The following MAPK10 variants were observed in gnomAD, a reference collection of about 807,000 sequenced individuals.
MAPK10 encodes the protein mitogen-activated protein kinase 10.
Under a neutral mutation model 59.3 loss-of-function variants are expected in MAPK10, and 25 were observed. That is an observed-to-expected ratio of 0.42 (90% CI 0.31 to 0.59). MAPK10 has a LOEUF of 0.59. MAPK10 is among the 20% of genes least tolerant of loss of function. The pLI is 0.15. For missense variants in MAPK10, 351 were observed against 568.9 expected (o/e 0.62, Z 3.90); for synonymous variants, 190 against 200.5 (o/e 0.95, Z 0.44).
intron 1 of MAPK10, among the ~76,000 whole-genome samples, chr4:86,529,246 G>A (rs1757692123): frequency 6.6e-6 from 1 of 152,178 alleles, no homozygotes; most frequent in Admixed American, 6.5e-5. Flanking sequence ...GGCAGATGCA[G>A]GCTTGGTGGC....
At chr4:86,462,084 G>A (rs544331470) in intron 1 of MAPK10, among the ~76,000 whole-genome samples, 5 of 151,168 alleles carry the variant, frequency 3.3e-5, no homozygotes, top group South Asian at 4.1e-4. Flanking sequence ...TTTGTCCCCC[G>A]CCACAGCGCC....
intron 4 of MAPK10, among the ~76,000 whole-genome samples, chr4:86,137,129 G>C (rs2062380246): frequency 6.6e-6 from 1 of 150,600 alleles, no homozygotes; most frequent in Non-Finnish European, 1.5e-5. Flanking sequence ...AGATCAACGA[G>C]ACAGAAGGTC....
At chr4:86,211,966 C>T (rs1374862049) in intron 2 of MAPK10, among the ~76,000 whole-genome samples, 3 of 151,568 alleles carry the variant, frequency 2.0e-5, no homozygotes, top group African/African-American at 4.8e-5. Context: ...AAAAGAAAAT[C>T]AGAAGGGAAT....
intron 1 of MAPK10, among the ~76,000 whole-genome samples, chr4:86,404,324 C>G (rs1744095609): frequency 6.6e-6 from 1 of 152,112 alleles, no homozygotes; most frequent in Non-Finnish European, 1.5e-5. Context: ...TCAGTGCATG[C>G]TCTCAAATCT....
intron 1 of MAPK10, among the ~76,000 whole-genome samples, chr4:86,419,888 C>T (rs1278156846): frequency 3.3e-5 from 5 of 152,172 alleles, no homozygotes; most frequent in Admixed American, 1.3e-4. Flanking sequence ...GAAGTAAGAA[C>T]GCAAGGAAGA....
chr4:86,500,848 TG>T (rs1564955031), intron 1 of MAPK10, among the ~76,000 whole-genome samples: 3 of 152,144 alleles, frequency 2.0e-5, no homozygotes, highest in African/African-American at 7.2e-5. Flanking sequence ...AAAATAGTTA[TG>T]GATACACATT....
intron 2 of MAPK10, among the ~76,000 whole-genome samples, chr4:86,230,048 G>A (rs780914312): frequency 2.6e-5 from 4 of 152,172 alleles, no homozygotes; most frequent in Admixed American, 1.3e-4. Context: ...GCAACAGAGC[G>A]AGACCTTGTC....
At chr4:86,055,246 C>G (rs2044336476) in intron 11 of MAPK10, among the ~76,000 whole-genome samples, 1 of 132,296 alleles carries the variant, frequency 7.6e-6, no homozygotes, top group Admixed American at 7.1e-5. Flanking sequence ...ATTACAGATA[C>G]TTGAAATTAT....
intron 1 of MAPK10, among the ~76,000 whole-genome samples, chr4:86,506,235 A>G (rs1755726162): frequency 6.6e-6 from 1 of 152,188 alleles, no homozygotes; most frequent in African/African-American, 2.4e-5. Flanking sequence ...TTATTGAGGA[A>G]CTGTCCTCTG....
rs143568196 is a variant in MAPK10 at position 86,134,977 on chromosome 4, C to T, written c.236+24321G>A. ...CCACCTGAATACTGCGCTTTTCCGACGGGCTTAAAAAACGGCGCACCACGA... is the reference window on the plus strand; with the variant it reads ...CCACCTGAATACTGCGCTTTTCCGATGGGCTTAAAAAACGGCGCACCACGA... On this transcript the variant is annotated intron_variant, in intron 4 of 13. Transcript: ENST00000641462. 2.0e-3 allele frequency among the ~76,000 whole-genome samples: 305 copies of T among 152,138 alleles called. 4 individuals carry two copies. The highest frequency in any genetic ancestry group is 2.8e-3 in the Admixed American group (43 of 15,276).
chr4:86,447,221 T>C (rs1227661525), intron 1 of MAPK10, among the ~76,000 whole-genome samples: 1 of 152,144 alleles, frequency 6.6e-6, no homozygotes, highest in Non-Finnish European at 1.5e-5. Flanking sequence ...GAGAGAATTC[T>C]GAAGAGATCT....
intron 7 of MAPK10, among the ~76,000 whole-genome samples, chr4:86,101,662 G>A (rs1189376680): frequency 6.6e-6 from 1 of 152,154 alleles, no homozygotes; most frequent in Non-Finnish European, 1.5e-5. Flanking sequence ...CTGAAAGCAT[G>A]AGGCTTCTAA....
At chr4:86,267,081 T>C (rs931416784) in intron 2 of MAPK10, among the ~76,000 whole-genome samples, 5 of 152,202 alleles carry the variant, frequency 3.3e-5, no homozygotes, top group Non-Finnish European at 7.4e-5. Context: ...ATGAAACTAA[T>C]TAACAGGTGT....
At chr4:86,365,262 T>C (rs990571640) in intron 1 of MAPK10, among the ~76,000 whole-genome samples, 1 of 151,286 alleles carries the variant, frequency 6.6e-6, no homozygotes. Context: ...CAAAACCCCG[T>C]CTCTACTAAA....
chr4:86,436,396 G>T (rs1186009781), intron 1 of MAPK10, among the ~76,000 whole-genome samples: 1 of 152,140 alleles, frequency 6.6e-6, no homozygotes, highest in African/African-American at 2.4e-5. Context: ...GATAGCAAAA[G>T]AAATTGTAGC....
intron 1 of MAPK10, among the ~76,000 whole-genome samples, chr4:86,427,332 A>G (rs1747425394): frequency 6.6e-6 from 1 of 151,812 alleles, no homozygotes; most frequent in African/African-American, 2.4e-5. Context: ...CAGATTATCT[A>G]TGTCACTCTC....
Position 86,372,564 on chromosome 4 carries a change from G to GAAAGAAAGAAAGAAAGGAAGGAAAAGA in MAPK10, c.-121-17921_-121-17920insTCTTTTCCTTCCTTTCTTTCTTTCTTT. Among the ~76,000 whole-genome samples, 61 of 78,716 alleles carry GAAAGAAAGAAAGAAAGGAAGGAAAAGA rather than the reference G, an allele frequency of 7.7e-4. 1 individual carries two copies. The highest frequency in any genetic ancestry group is 2.5e-3 in the African/African-American group (57 of 22,584). 51.6% of individuals were successfully genotyped at this position (78,716 alleles called of 152,430 possible). A position where few individuals can be genotyped will look rare whatever the true frequency, so the allele number is the denominator to read the frequency against. On this transcript the variant is annotated intron_variant, in intron 1 of 13. Coordinates refer to the MAPK10 transcript ENST00000361569. The stretch of plus-strand genomic sequence containing the variant: ...AGAAAGAAAGAAAGAAAGAAAGAAA[G>GAAAGAAAGAAAGAAAGGAAGGAAAAGA]AAAGAAAAGAAAAGAAAAGAAAAGA...
intron 2 of MAPK10, among the ~76,000 whole-genome samples, chr4:86,333,881 T>C (rs1265195003): frequency 6.6e-6 from 1 of 152,132 alleles, no homozygotes; most frequent in African/African-American, 2.4e-5. Flanking sequence ...GTCATATATG[T>C]TTTAACTTTT....
At chr4:86,077,056 G>C (rs2049642029) in intron 9 of MAPK10, among the ~76,000 whole-genome samples, 1 of 152,058 alleles carries the variant, frequency 6.6e-6, no homozygotes, top group Non-Finnish European at 1.5e-5. Context: ...AGAATTATTT[G>C]ACAGTAAATC....
Sources: gnomAD v4.1 joint callset for allele counts (sites outside exome capture counted in the v4.1 genomes callset) on GRCh38, gnomAD v4.1.1 for gene constraint, MANE v1.5 for transcripts, NCBI Gene and HGNC (gene_info 2026-07-23, HGNC 2026-07-21) for gene names.